The following LRRC9 variants were observed in gnomAD, a reference collection of about 807,000 sequenced individuals.
The protein encoded by LRRC9 is leucine-rich repeat-containing protein 9.
Under a neutral mutation model 63.2 loss-of-function variants are expected in LRRC9, and 122 were observed. That is an observed-to-expected ratio of 1.93 (90% CI 1.67 to 2.24). The LOEUF is 2.24. Among genes scored for constraint, LRRC9 ranks in the 30% most tolerant of loss-of-function variants. LRRC9 has a pLI of 0.00. For missense variants in LRRC9, 1,071 were observed against 627.7 expected, an observed-to-expected ratio of 1.71 and a Z score of -7.55; for synonymous variants, 366 against 213.1, an observed-to-expected ratio of 1.72 and a Z score of -6.25.
At chr14:59,991,940 T>C (rs1398412547) in intron 17 of LRRC9, among the ~76,000 whole-genome samples, 2 of 152,186 alleles carry the variant, frequency 1.3e-5, no homozygotes, top group East Asian at 1.9e-4. Context: ...TAAATGTCCC[T>C]GTCTGACAGC....
At chr14:60,055,906 GAAAAAAA>G (rs11395416) in intron 30 of LRRC9, among the ~76,000 whole-genome samples, 1 of 140,644 alleles carries the variant, frequency 7.1e-6, no homozygotes, top group Non-Finnish European at 1.5e-5. Flanking sequence ...CCCTGTCTTG[GAAAAAAA>G]AAAAAAAAGT....
At chr14:60,032,130 T>C (rs921826543) in intron 29 of LRRC9, 67 bp downstream of exon 29, 14 of 664,238 alleles carry the variant, frequency 2.1e-5, no homozygotes, top group East Asian at 1.4e-4. Flanking sequence ...TATTTTTATA[T>C]GGTATTAGAA....
At chr14:60,036,889 A>T (rs1372553147) in intron 29 of LRRC9, among the ~76,000 whole-genome samples, 1 of 152,078 alleles carries the variant, frequency 6.6e-6, no homozygotes, top group East Asian at 1.9e-4. Context: ...TACATTAGGT[A>T]TATCTCCTAA....
chr14:60,052,971 C>A (rs1007463775), intron 29 of LRRC9, 94 bp from the exon 30 acceptor site: 2 of 566,008 alleles, frequency 3.5e-6, no homozygotes, highest in African/African-American at 3.7e-5. Context: ...TATTTGTCCT[C>A]TTTGTTGCCT....
rs1884920424 is a variant in LRRC9 at position 59,966,908 on chromosome 14, G to A, written c.1388+143G>A. 1.8e-6 allele frequency: 1 copy of A among 555,172 alleles called. No individual in the cohort carries two copies. The highest frequency in any genetic ancestry group is 1.9e-5 in the African/African-American group (1 of 53,512). 34.4% of individuals were successfully genotyped at this position (555,172 alleles called of 1,614,324 possible). Reference sequence around the variant, plus strand: ...CCTTTTTATGCATCTCCCATGGCCAGGATGACCTCATAATTTATCCACATT... The same window carrying A: ...CCTTTTTATGCATCTCCCATGGCCAAGATGACCTCATAATTTATCCACATT... On this transcript the variant is annotated intron_variant, in intron 11 of 31. Transcript: ENST00000445360. This position sits in a 1 kb window ranked among gnomAD's most constrained non-coding sequence, Gnocchi z 4.0.
chr14:60,015,202 A>C (rs1359745923), intron 23 of LRRC9, among the ~76,000 whole-genome samples: 1 of 151,928 alleles, frequency 6.6e-6, no homozygotes, highest in Non-Finnish European at 1.5e-5. Flanking sequence ...CATTTGTTTC[A>C]AGTATGTCCA....
chr14:59,969,602 G>A (rs981325551), intron 12 of LRRC9, among the ~76,000 whole-genome samples: 2 of 152,188 alleles, frequency 1.3e-5, no homozygotes, highest in Non-Finnish European at 2.9e-5. Flanking sequence ...TACAGGCAGA[G>A]GGCTGGCCAT....
At chr14:60,047,624 T>C (rs747160529) in intron 29 of LRRC9, among the ~76,000 whole-genome samples, 2 of 152,122 alleles carry the variant, frequency 1.3e-5, no homozygotes, top group Non-Finnish European at 1.5e-5. Flanking sequence ...AGTCACACCA[T>C]AAAGGAGCAC....
At position 60,027,396 on chromosome 14, in the gene LRRC9, G is replaced by T. The variant is rs1439426390; in HGVS notation, c.3704-488G>T. On this transcript the variant is annotated intron_variant, in intron 27 of 31. Coordinates refer to ENST00000445360, the Ensembl canonical transcript of LRRC9. The surrounding 1 kb of genome is among the most constrained non-coding windows in gnomAD (Gnocchi z 4.0). ...AGTTTTGAAGAATTAAATGAACTTT[G>T]ATGTGTTTAATATGATTGCAGTGCA... Among the ~76,000 whole-genome samples, 1 of 152,014 alleles carries T rather than the reference G, an allele frequency of 6.6e-6. No homozygotes were observed. Among genetic ancestry groups the T allele is most frequent in the African/African-American group, 2.4e-5 (1 of 41,426 alleles).
chr14:60,055,752 A>C (rs1445903428), intron 30 of LRRC9, among the ~76,000 whole-genome samples: 4 of 151,326 alleles, frequency 2.6e-5, no homozygotes, highest in African/African-American at 2.4e-5. Context: ...AAAAACAAAA[A>C]AAACTAGCCA....
At chr14:59,931,816 A>AT in intron 5 of LRRC9, 134 bp downstream of exon 5, 1 of 609,768 alleles carries the variant, frequency 1.6e-6, no homozygotes, top group Non-Finnish European at 2.9e-6. Flanking sequence ...GAAACCTGTG[A>AT]AAATATTACT....
Position 59,990,831 on chromosome 14 carries a change from C to A in LRRC9, c.2211+5607C>A, listed in dbSNP as rs1888009141. Among the ~76,000 whole-genome samples the A allele has an allele frequency of 6.6e-6, 1 of 152,220 alleles. No homozygotes were observed. The highest frequency in any genetic ancestry group is 1.9e-4 in the East Asian group (1 of 5,196). On this transcript the variant is annotated intron_variant, in intron 17 of 31. Coordinates refer to ENST00000445360, the Ensembl canonical transcript of LRRC9. This position sits in a 1 kb window ranked among gnomAD's most constrained non-coding sequence, Gnocchi z 4.2. ...TTCCGGTGAATATTTGTTGACTGTT[C>A]TGGGGCTCTCCTGTTTTCAGGTCCA...
At chr14:59,925,531 C>T (rs556627868) in intron 1 of LRRC9, among the ~76,000 whole-genome samples, 3 of 152,286 alleles carry the variant, frequency 2.0e-5, no homozygotes, top group Admixed American at 2.0e-4. Context: ...CTCTTAAAGG[C>T]CCACCTCTTA....
In LRRC9 at chr14:59,943,367, G is replaced by A. The variant is rs1024587024; in HGVS notation, c.727-1222G>A. On this transcript the variant is annotated intron_variant, in intron 7 of 31. Transcript: ENST00000445360. Reference sequence around the variant, plus strand: ...GTCTAGTTTCATTCTTCTGTATGTGGATATCCTGTTGTTTTAGTTTTCAGA... The same window carrying A: ...GTCTAGTTTCATTCTTCTGTATGTGAATATCCTGTTGTTTTAGTTTTCAGA... Among the ~76,000 whole-genome samples the A allele has an allele frequency of 2.0e-5, 3 of 151,630 alleles. No individual in the cohort carries two copies. In the East Asian group the frequency reaches 5.8e-4, roughly 29 times the overall value.
In LRRC9 at chr14:59,964,350, C is replaced by CAGTACT. The variant is rs1884629319; in HGVS notation, c.1212-2238_1212-2233dup. Among the ~76,000 whole-genome samples the CAGTACT allele has an allele frequency of 6.6e-6, 1 of 152,194 alleles. No individual in the cohort carries two copies. Among genetic ancestry groups the CAGTACT allele is most frequent in the African/African-American group, 2.4e-5 (1 of 41,452 alleles). ...TACCGCACTGCTCTTGAAGCAAACG[C>CAGTACT]AGTACTCCACCACATAAGTGGTTTT... On this transcript the variant is annotated intron_variant, in intron 10 of 31. Transcript: ENST00000445360. The surrounding 1 kb of genome is among the most constrained non-coding windows in gnomAD (Gnocchi z 4.4).
intron 6 of LRRC9, among the ~76,000 whole-genome samples, chr14:59,935,192 G>A (rs1452641514): frequency 6.6e-6 from 1 of 151,264 alleles, no homozygotes; most frequent in Non-Finnish European, 1.5e-5. Context: ...TATTCAGGAG[G>A]CTGAAGCAGG....
intron 23 of LRRC9, among the ~76,000 whole-genome samples, chr14:60,012,813 T>C (rs1890354522): frequency 6.6e-6 from 1 of 152,198 alleles, no homozygotes; most frequent in Non-Finnish European, 1.5e-5. Context: ...GTAGAAAACA[T>C]TTGTCAGCCC....
At position 59,936,596 on chromosome 14, in the gene LRRC9, T is replaced by C. The variant is rs10162599; in HGVS notation, c.544-1794T>C. ...CCCACCATCTGCTAGCTCAGACTAA[T>C]GGTCAAATGAAACATAGCAACCCAG... is the stretch of plus-strand genomic sequence containing the variant. On this transcript the variant is annotated intron_variant, in intron 6 of 31. Coordinates refer to ENST00000445360, the Ensembl canonical transcript of LRRC9. This position sits in a 1 kb window ranked among gnomAD's most constrained non-coding sequence, Gnocchi z 4.2. Among the ~76,000 whole-genome samples, 64,840 of 152,078 alleles carry C rather than the reference T, an allele frequency of 0.43. 14,516 individuals are homozygous for C. The highest frequency in any genetic ancestry group is 0.64 in the East Asian group (3,269 of 5,144).
Position 59,975,109 on chromosome 14 carries a change from ATATGTATATATATATATG to A in LRRC9, c.1639+405_1639+422del, listed in dbSNP as rs1886039842. Among the ~76,000 whole-genome samples, 6 of 61,182 alleles carry A rather than the reference ATATGTATATATATATATG, an allele frequency of 9.8e-5. 1 individual carries two copies. Among genetic ancestry groups the A allele is most frequent in the Admixed American group, 3.7e-4 (2 of 5,426 alleles). 40.1% of individuals were successfully genotyped at this position (61,182 alleles called of 152,430 possible). A position where few individuals can be genotyped will look rare whatever the true frequency, so the allele number is the denominator to read the frequency against. On this transcript the variant is annotated intron_variant, in intron 13 of 31. Coordinates refer to ENST00000445360, the Ensembl canonical transcript of LRRC9. ...GTAGTGTATATATATATACATATATATATGTATATATATATATGTATATATATATACATATATATATGT... is the reference window on the plus strand; with the variant it reads ...GTAGTGTATATATATATACATATATATATATATATATACATATATATATGT...
Sources: allele counts gnomAD v4.1 joint callset (sites outside exome capture counted in the v4.1 genomes callset), GRCh38; gene constraint gnomAD v4.1.1; non-coding constraint Gnocchi (gnomAD v3.1); transcripts MANE v1.5; gene names NCBI Gene and HGNC (gene_info 2026-07-23, HGNC 2026-07-21).